Variants in CATSPERE observed in about 807,000 individuals in gnomAD.
The protein encoded by CATSPERE is catsper channel auxiliary subunit epsilon.
CATSPERE carries 93 observed loss-of-function variants against 114.1 expected under a neutral mutation model. That is an observed-to-expected ratio of 0.81 (90% CI 0.69 to 0.97). The LOEUF (loss-of-function observed/expected upper bound fraction) is 0.97. Ranked by LOEUF, CATSPERE falls within the 50% of genes least tolerant of loss-of-function variation. The probability of loss-of-function intolerance (pLI) is 0.00; values close to 1 mark genes in which losing one functional copy is unlikely to be tolerated. For missense variants in CATSPERE, 1,058 were observed against 1,131.6 expected (o/e 0.93, Z 0.93); for synonymous variants, 341 against 384.1 (o/e 0.89, Z 1.31).
chr1:244,457,858 T>G (rs2148046747), upstream of CATSPERE, among the ~76,000 whole-genome samples: 1 of 152,324 alleles, frequency 6.6e-6, no homozygotes, highest in African/African-American at 2.4e-5. Flanking sequence ...GTGTTCAGCT[T>G]TCTTTGGTCT....
chr1:244,584,618 CCTCT>C lies in CATSPERE; in HGVS notation c.2085+684_2085+687del, dbSNP rs974894863. On this transcript the variant is annotated intron_variant, in intron 13 of 21. Coordinates refer to ENST00000366534, the MANE Select transcript of CATSPERE (RefSeq NM_001130957.2). ...CTTTGAGTCTATATTTCACACGTCT[CCTCT>C]CTCTATTACTTCTCAGCCTAACATT... Among the ~76,000 whole-genome samples the C allele has an allele frequency of 3.9e-5, 6 of 152,066 alleles. No individual in the cohort carries two copies. The East Asian group carries it at 5.8e-4, about 15-fold the overall frequency.
In CATSPERE at chr1:244,585,079, G is replaced by C. The variant is rs1666842868; in HGVS notation, c.2085+1140G>C. Among the ~76,000 whole-genome samples, 4 of 142,996 alleles carry C rather than the reference G, an allele frequency of 2.8e-5. No individual in the cohort carries two copies. In the Admixed American group the frequency reaches 2.8e-4, roughly 10 times the overall value. The allele number at this position is 142,996 out of a possible 152,430, so 93.8% of individuals were successfully genotyped here. ...CTCTCTAATCTATAGAATTTTTTAG[G>C]GATCCCTATTCATTCTATCCTGCCC... On this transcript the variant is annotated intron_variant, in intron 13 of 21. Coordinates refer to ENST00000366534, the MANE Select transcript of CATSPERE (RefSeq NM_001130957.2).
chr1:244,514,625 T>G (rs964407571), intron 7 of CATSPERE, among the ~76,000 whole-genome samples: 2 of 151,998 alleles, frequency 1.3e-5, no homozygotes, highest in Non-Finnish European at 2.9e-5. Flanking sequence ...GTCAGGAGAT[T>G]GAGACTATCC....
intron 3 of CATSPERE, 48 bp from the exon 4 acceptor site, chr1:244,477,858 A>C (rs368627637): frequency 8.7e-6 from 12 of 1,383,594 alleles, no homozygotes; most frequent in Non-Finnish European, 1.2e-5. Flanking sequence ...AATTTTATTA[A>C]TATCATATGC....
chr1:244,605,818 A>G lies in CATSPERE; in HGVS notation c.2403+24A>G, dbSNP rs78398222. On this transcript the variant is annotated intron_variant, in intron 18 of 21. Transcript: ENST00000366534. The stretch of plus-strand genomic sequence containing the variant: ...AGGTATGGCATCTTTGGATTTAACC[A>G]GAATTTAGCATGCAACTAGACAATG... The G allele has an allele frequency of 1.5e-3, 2,251 of 1,466,096 alleles. 30 individuals carry two copies. Among genetic ancestry groups the G allele is most frequent in the East Asian group, 7.7e-3 (337 of 43,630 alleles). 90.8% of individuals were successfully genotyped at this position (1,466,096 alleles called of 1,614,324 possible). A position where few individuals can be genotyped will look rare whatever the true frequency, so the allele number is the denominator to read the frequency against.
At chr1:244,625,943 C>T (rs1673145208) in intron 20 of CATSPERE, among the ~76,000 whole-genome samples, 1 of 151,344 alleles carries the variant, frequency 6.6e-6, no homozygotes, top group Non-Finnish European at 1.5e-5. Context: ...TAGGTCTCAA[C>T]AGTGGGCTTA....
intron 7 of CATSPERE, among the ~76,000 whole-genome samples, chr1:244,508,892 G>C (rs140011744): frequency 1.3e-5 from 2 of 150,238 alleles, no homozygotes; most frequent in Non-Finnish European, 3.0e-5. Flanking sequence ...TGCCAGCTAC[G>C]TGGGAGGCTA....
chr1:244,576,241 CT>C (rs1665242373), intron 11 of CATSPERE, among the ~76,000 whole-genome samples: 1 of 151,918 alleles, frequency 6.6e-6, no homozygotes, highest in Non-Finnish European at 1.5e-5. Context: ...TTCCTTACCC[CT>C]GAGGCCACTG....
At position 244,513,286 on chromosome 1, in the gene CATSPERE, G is replaced by T. The variant is rs552413774; in HGVS notation, c.430-5306G>T. ...ACAGATGTGGGTGCCAGTGCCAGTG[G>T]CAGGTTGGGCAGGCCAGTCCCAAGG... is the stretch of plus-strand genomic sequence containing the variant. On this transcript the variant is annotated intron_variant, in intron 7 of 21. Transcript: ENST00000366534. Among the ~76,000 whole-genome samples, 121 of 152,302 alleles carry T rather than the reference G, an allele frequency of 7.9e-4. 1 individual carries two copies. Among genetic ancestry groups the T allele is most frequent in the African/African-American group, 2.8e-3 (117 of 41,570 alleles).
At chr1:244,460,916 A>G (rs1666642311), upstream of CATSPERE, among the ~76,000 whole-genome samples, 1 of 152,206 alleles carries the variant, frequency 6.6e-6, no homozygotes, top group South Asian at 2.1e-4. Flanking sequence ...TGACTCTCTC[A>G]AAAACAAACA....
chr1:244,568,007 CCT>C lies in CATSPERE; in HGVS notation c.1508-4322_1508-4321del, dbSNP rs1271028965. Among the ~76,000 whole-genome samples the C allele has an allele frequency of 2.0e-5, 3 of 151,688 alleles. No individual in the cohort carries two copies. The highest frequency in any genetic ancestry group is 4.4e-5 in the Non-Finnish European group (3 of 67,966). On this transcript the variant is annotated intron_variant, in intron 10 of 21. Transcript: ENST00000366534. The surrounding 1 kb of genome is among the most constrained non-coding windows in gnomAD (Gnocchi z 4.4). ...TACCTTTGGTCTTTGATGTTGGTGA[CCT>C]TTACATGGGGTTTTTGTGTGGATGT...
chr1:244,494,931 A>G (rs189250311), intron 6 of CATSPERE, among the ~76,000 whole-genome samples: 2 of 152,240 alleles, frequency 1.3e-5, no homozygotes, highest in African/African-American at 4.8e-5. Flanking sequence ...AATGCTCAAA[A>G]GCAAATAATA....
rs1572658914 is a variant in CATSPERE, at chr1:244,542,077, C to T, written c.537-10245C>T. Among the ~76,000 whole-genome samples the T allele has an allele frequency of 2.0e-5, 3 of 149,542 alleles. No individual in the cohort carries two copies. In the South Asian group the frequency reaches 6.4e-4, roughly 32 times the overall value. On this transcript the variant is annotated intron_variant, in intron 8 of 21. Transcript: ENST00000366534. Reference sequence around the variant, plus strand: ...ATGCTAGGTGATGAGTTAATGGGTGCAGCGCACCAGCATGGCACATGTATA... The same window carrying T: ...ATGCTAGGTGATGAGTTAATGGGTGTAGCGCACCAGCATGGCACATGTATA...
Position 244,605,694 on chromosome 1 carries a change from G to T in CATSPERE, c.2304-1G>T, listed in dbSNP as rs1164913830. 1.9e-6 allele frequency: 3 copies of T among 1,598,102 alleles called. No homozygotes were observed. Among genetic ancestry groups the T allele is most frequent in the Admixed American group, 1.7e-5 (1 of 59,780 alleles). On this transcript the variant is annotated splice_acceptor_variant, in intron 17 of 21. Transcript: ENST00000366534. LOFTEE classifies it high-confidence loss of function. ...ATCTTTCTGTTTGTTGTTTCTTTCA[G>T]ATTTGATGATAATGGCTATGTTAAA...
chr1:244,522,627 A>G (rs1367921826), intron 8 of CATSPERE, among the ~76,000 whole-genome samples: 1 of 152,170 alleles, frequency 6.6e-6, no homozygotes, highest in Non-Finnish European at 1.5e-5. Context: ...AATCAAATAG[A>G]CGCAATAAAA....
intron 11 of CATSPERE, among the ~76,000 whole-genome samples, chr1:244,578,823 C>CATATAT (rs10695652): frequency 0.16 from 21,296 of 132,602 alleles, 1,761 homozygotes; most frequent in Middle Eastern, 0.21. Context: ...GGTGCATATA[C>CATATAT]ATATATATAT....
chr1:244,541,549 A>G (rs1333625595), intron 8 of CATSPERE, among the ~76,000 whole-genome samples: 3 of 117,770 alleles, frequency 2.5e-5, no homozygotes, highest in Non-Finnish European at 5.3e-5. Flanking sequence ...ACACTTTTAC[A>G]CTGTTGATGG....
chr1:244,515,124 G>A (rs1676413643), intron 7 of CATSPERE, among the ~76,000 whole-genome samples: 1 of 152,192 alleles, frequency 6.6e-6, no homozygotes. Flanking sequence ...TGCTTAGCAT[G>A]ATGTAGCCCT....
chr1:244,563,243 A>T (rs1662867427), intron 10 of CATSPERE, among the ~76,000 whole-genome samples: 1 of 152,184 alleles, frequency 6.6e-6, no homozygotes. Context: ...ATATGTCTTT[A>T]TAGTAGAATA....
Sources: gnomAD v4.1 joint callset for allele counts (sites outside exome capture counted in the v4.1 genomes callset) on GRCh38, gnomAD v4.1.1 for gene constraint, Gnocchi (gnomAD v3.1) non-coding constraint, MANE v1.5 for transcripts, NCBI Gene and HGNC (gene_info 2026-07-23, HGNC 2026-07-21) for gene names.